LAMA5: variants seen among roughly 807,000 people sequenced by gnomAD.
LAMA5 encodes the protein laminin subunit alpha 5, also known as laminin subunit alpha-5.
Under a neutral mutation model 433.4 loss-of-function variants are expected in LAMA5, and 260 were observed. That is an observed-to-expected ratio of 0.60 (90% CI 0.54 to 0.66). The LOEUF (loss-of-function observed/expected upper bound fraction) is 0.66, where lower values mean the gene tolerates loss of function less well. LAMA5 is among the 30% of genes least tolerant of loss of function. The probability of loss-of-function intolerance (pLI) is 0.00; values close to 1 mark genes in which losing one functional copy is unlikely to be tolerated. For synonymous variants in LAMA5, 2,620 were observed against 2,226.6 expected (o/e 1.18, Z -4.97); for missense variants, 5,378 against 5,258.5 (o/e 1.02, Z -0.70).
In LAMA5 at chr20:62,347,452, G is replaced by A. The variant is rs541425504; in HGVS notation, c.957-424C>T. Among the ~76,000 whole-genome samples the A allele has an allele frequency of 5.3e-5, 8 of 152,212 alleles. No homozygotes were observed. The Middle Eastern group carries it at 0.01, about 194-fold the overall frequency. ...GCCCTTTCCACTTCGGCCAGGACTC[G>A]AGCGTAAGCCCAAAACCTCCCTGAG... On this transcript the variant is annotated intron_variant, in intron 6 of 79. Coordinates refer to ENST00000252999, the MANE Select transcript of LAMA5 (RefSeq NM_005560.6).
chr20:62,325,564 C>T lies in LAMA5; in HGVS notation c.5299-18G>A. The T allele has an allele frequency of 6.5e-7, 1 of 1,544,770 alleles. No homozygotes were observed. The highest frequency in any genetic ancestry group is 8.9e-7 in the Non-Finnish European group (1 of 1,124,540). The stretch of plus-strand genomic sequence containing the variant: ...AAGTTCCCCTGTGGGTCCAGGATGG[C>T]ACCTCAGTGGGGCCACACTCAATGG... On this transcript the variant is annotated intron_variant, in intron 40 of 79. Transcript: ENST00000252999.
chr20:62,315,261 T>C, intron 58 of LAMA5, 54 bp from the exon 59 acceptor site: 2 of 1,472,754 alleles, frequency 1.4e-6, no homozygotes, highest in Non-Finnish European at 1.8e-6. Flanking sequence ...CATCCTGGCT[T>C]CATGTCCCCA....
chr20:62,343,334 G>A (rs946157633), intron 11 of LAMA5, among the ~76,000 whole-genome samples: 51 of 152,272 alleles, frequency 3.3e-4, no homozygotes, highest in Non-Finnish European at 6.8e-4. Flanking sequence ...TAAGGGAGGA[G>A]CATCTACATC....
At chr20:62,334,116 C>A in intron 22 of LAMA5, 70 bp downstream of exon 22, 1 of 1,586,798 alleles carries the variant, frequency 6.3e-7, no homozygotes, top group South Asian at 1.1e-5. Flanking sequence ...GGGGCCTGCC[C>A]ACCCCTCCCT....
At chr20:62,329,293 G>C in intron 32 of LAMA5, 40 bp from the exon 33 acceptor site, 1 of 1,491,690 alleles carries the variant, frequency 6.7e-7, no homozygotes, top group Non-Finnish European at 9.3e-7. Flanking sequence ...CGGGCCCAGA[G>C]CCTGCAGCGG....
intron 14 of LAMA5, 27 bp downstream of exon 14, chr20:62,337,989 C>A: frequency 1.3e-6 from 2 of 1,593,352 alleles, no homozygotes; most frequent in Non-Finnish European, 8.6e-7. Flanking sequence ...GTGGCAGAAC[C>A]CCTTCCTGCC....
intron 2 of LAMA5, among the ~76,000 whole-genome samples, chr20:62,354,732 C>T (rs553589060): frequency 1.3e-5 from 2 of 152,272 alleles, no homozygotes; most frequent in South Asian, 2.1e-4. Context: ...GTGCTCCCAC[C>T]CGCCATAGCC....
rs1568942776 is a variant in LAMA5 at position 62,333,497 on chromosome 20, G to A, written c.3022-16C>T. On this transcript the variant is annotated splice_polypyrimidine_tract_variant and intron_variant, in intron 24 of 79. Coordinates refer to ENST00000252999, the MANE Select transcript of LAMA5 (RefSeq NM_005560.6). ...CCACGTAGTCCTGCAGGGTGGAGGT[G>A]GTGCTGAGAGTGGTGGGCCCCACCC... 1 of 1,606,236 alleles carries A rather than the reference G, an allele frequency of 6.2e-7. No homozygotes were observed. The highest frequency in any genetic ancestry group is 8.5e-7 in the Non-Finnish European group (1 of 1,177,040).
In LAMA5 at chr20:62,332,542, C is replaced by T; in HGVS notation, c.3443+15G>A. Reference sequence around the variant, plus strand: ...CGGGCGTGCCCTTACTCCAGCCCCACCGGCTCCCACTCACCTGTACAGGCA... The same window carrying T: ...CGGGCGTGCCCTTACTCCAGCCCCATCGGCTCCCACTCACCTGTACAGGCA... On this transcript the variant is annotated intron_variant, in intron 27 of 79. Transcript: ENST00000252999. 1.9e-6 allele frequency: 3 copies of T among 1,600,512 alleles called. No individual in the cohort carries two copies. The highest frequency in any genetic ancestry group is 2.6e-6 in the Non-Finnish European group (3 of 1,171,596).
intron 62 of LAMA5, 53 bp downstream of exon 62, chr20:62,314,251 C>T (rs572688562): frequency 5.6e-5 from 89 of 1,576,032 alleles, no homozygotes; most frequent in African/African-American, 4.8e-4. Context: ...AGATGGCGAA[C>T]GGGCAAGGGC....
chr20:62,321,208 G>A (rs1568916950), intron 48 of LAMA5, among the ~76,000 whole-genome samples: 4 of 122,046 alleles, frequency 3.3e-5, no homozygotes. Flanking sequence ...GCCAGTGGAG[G>A]AAGAGGGGGC....
Position 62,325,412 on chromosome 20 carries a change from C to T in LAMA5, c.5433G>A (p.Val1811=), listed in dbSNP as rs755943284. The stretch of plus-strand genomic sequence containing the variant: ...CTGCTGGGCTGGCCACCTCCAGTGC[C>T]ACCCTGCGCAGGAAGACAGCCGAGG... ...QISSAVFLRR[V]ALEVASPAGQ... Residue 1811 remains valine (V), a synonymous_variant, in exon 41 of 80, where the codon GTG becomes GTA. Transcript: ENST00000252999. The T allele has an allele frequency of 6.2e-7, 1 of 1,612,146 alleles. No individual in the cohort carries two copies. The highest frequency in any genetic ancestry group is 8.5e-7 in the Non-Finnish European group (1 of 1,179,430).
At chr20:62,336,986 C>T (rs1200791595) in intron 16 of LAMA5, 200 bp from the exon 17 acceptor site, 4 of 694,898 alleles carry the variant, frequency 5.8e-6, no homozygotes, top group Non-Finnish European at 1.1e-5. Flanking sequence ...CCACACAGCA[C>T]CTGCTCATGG....
rs750949736 is a variant in LAMA5, at chr20:62,329,023, G to C, written c.4268C>G (p.Ala1423Gly). ...ATAGAAGAGGGAGAGGGAAGCAGCA[G>C]CGTTTCGGCAGAACAGGGATGAGCT... ...PSSSSLFCRNAAASLSLFYNN... is the reference protein window; with the variant it reads ...PSSSSLFCRNGAASLSLFYNN... The change falls in exon 34 of 80, where the codon GCT (alanine) becomes GGT (glycine). Residue 1423 changes from alanine (A) to glycine (G), a missense_variant. Physicochemically the swap from Ala to Gly is moderately conservative, Grantham distance 60. Coordinates refer to ENST00000252999, the MANE Select transcript of LAMA5 (RefSeq NM_005560.6). 1 of 1,612,626 alleles carries C rather than the reference G, an allele frequency of 6.2e-7. No individual in the cohort carries two copies. The highest frequency in any genetic ancestry group is 1.3e-5 in the African/African-American group (1 of 74,944).
chr20:62,313,605 G>T, intron 63 of LAMA5, 44 bp downstream of exon 63: 1 of 1,606,570 alleles, frequency 6.2e-7, no homozygotes, highest in South Asian at 1.1e-5. Flanking sequence ...GCGACTCGGG[G>T]CTGCGGAGCC....
chr20:62,312,252 G>T lies in LAMA5; in HGVS notation c.9425C>A (p.Pro3142Gln), dbSNP rs766562831. ...GCCGGAGTAGACGTTGCCAGTGAGCGGTGCCACGTTCGAGAGCGCCAGGCG... is the reference window on the plus strand; with the variant it reads ...GCCGGAGTAGACGTTGCCAGTGAGCTGTGCCACGTTCGAGAGCGCCAGGCG... ...FLRLALSNVAPLTGNVYSGFG... is the reference protein window; with the variant it reads ...FLRLALSNVAQLTGNVYSGFG... Residue 3142 changes from proline (P) to glutamine (Q), a missense_variant, in exon 69 of 80, where the codon CCG becomes CAG. Pro to Gln is a moderately conservative substitution (Grantham distance 76, BLOSUM62 -1). Transcript: ENST00000252999. 2 of 1,611,196 alleles carry T rather than the reference G, an allele frequency of 1.2e-6. No individual in the cohort carries two copies. Among genetic ancestry groups the T allele is most frequent in the East Asian group, 2.2e-5 (1 of 44,808 alleles).
At chr20:62,325,634 A>T in intron 40 of LAMA5, 88 bp from the exon 41 acceptor site, 4 of 831,404 alleles carry the variant, frequency 4.8e-6, no homozygotes, top group Non-Finnish European at 7.5e-6. Flanking sequence ...CCTGTAGGGG[A>T]TGGAGGGGCA....
At chr20:62,334,966 G>A in intron 20 of LAMA5, 55 bp downstream of exon 20, 1 of 1,534,542 alleles carries the variant, frequency 6.5e-7, no homozygotes, top group Non-Finnish European at 9.0e-7. Context: ...GGGTTCCCCA[G>A]CATAAACCGA....
intron 40 of LAMA5, 197 bp downstream of exon 40, chr20:62,326,480 A>G (rs941972910): frequency 2.3e-5 from 13 of 559,506 alleles, no homozygotes; most frequent in African/African-American, 2.3e-4. Flanking sequence ...GGAAGACAGC[A>G]TGACACCCCC....
Sources: allele counts gnomAD v4.1 joint callset (sites outside exome capture counted in the v4.1 genomes callset), GRCh38; gene constraint gnomAD v4.1.1; transcripts MANE v1.5; gene names NCBI Gene and HGNC (gene_info 2026-07-23, HGNC 2026-07-21).